Variants in MCM8 observed in about 807,000 individuals in gnomAD.
MCM8 encodes the protein DNA helicase MCM8.
MCM8 carries 85 observed loss-of-function variants against 98.9 expected under a neutral mutation model. The ratio of observed to expected loss-of-function variants is 0.86; its 90% CI spans 0.72 to 1.03. The LOEUF (loss-of-function observed/expected upper bound fraction) is 1.03, where lower values mean the gene tolerates loss of function less well. MCM8 is among the 50% of genes least tolerant of loss of function. The pLI is 0.00. For missense variants in MCM8, 951 were observed against 997.8 expected, an observed-to-expected ratio of 0.95 and a Z score of 0.63; for synonymous variants, 352 against 338.6, an observed-to-expected ratio of 1.04 and a Z score of -0.44.
chr20:5,979,589 C>T (rs996981066), intron 13 of MCM8, among the ~76,000 whole-genome samples: 1 of 152,154 alleles, frequency 6.6e-6, no homozygotes, highest in Non-Finnish European at 1.5e-5. Flanking sequence ...AAACACGGAG[C>T]CATCCTTGAC....
At chr20:5,956,854 T>C (rs2088996903) in intron 5 of MCM8, among the ~76,000 whole-genome samples, 1 of 152,018 alleles carries the variant, frequency 6.6e-6, no homozygotes, top group South Asian at 2.1e-4. Context: ...TGGGGACTAA[T>C]GTAAGGGCTT....
chr20:5,954,139 TAG>T (rs770288933), intron 3 of MCM8, among the ~76,000 whole-genome samples: 3 of 152,076 alleles, frequency 2.0e-5, no homozygotes, highest in African/African-American at 4.8e-5. Context: ...TGTAGAACTT[TAG>T]AGTGTTAAAA....
intron 13 of MCM8, among the ~76,000 whole-genome samples, chr20:5,981,997 TA>T (rs139342323): frequency 0.01 from 1,591 of 152,132 alleles, 24 homozygotes; most frequent in African/African-American, 0.034. Flanking sequence ...AGAGGGGAAG[TA>T]ACAGAGATAG....
At position 5,995,523 on chromosome 20, in the gene MCM8, A is replaced by G. The variant is rs1398412639; in HGVS notation, c.*1132A>G. 6.6e-6 allele frequency: 1 copy of G among 152,218 alleles called. No individual in the cohort carries two copies. Among genetic ancestry groups the G allele is most frequent in the Non-Finnish European group, 1.5e-5 (1 of 68,050 alleles). 9.4% of individuals were successfully genotyped at this position (152,218 alleles called of 1,614,324 possible). A position where few individuals can be genotyped will look rare whatever the true frequency, so the allele number is the denominator to read the frequency against. ...TAGGTAGAAGAATGCCCCCACCCGCACCGGAACAGCAACAAAAGGATTCTG... is the reference window on the plus strand; with the variant it reads ...TAGGTAGAAGAATGCCCCCACCCGCGCCGGAACAGCAACAAAAGGATTCTG... On this transcript the variant is annotated 3_prime_UTR_variant, in exon 19 of 19. Coordinates refer to ENST00000610722, the MANE Select transcript of MCM8 (RefSeq NM_032485.6).
intron 6 of MCM8, 85 bp downstream of exon 6, chr20:5,957,314 G>A (rs1362563859): frequency 3.2e-6 from 3 of 926,604 alleles, no homozygotes; most frequent in Admixed American, 4.8e-5. Context: ...TTATAAAAAT[G>A]AGGAAATCAG....
chr20:5,973,671 T>C (rs930565176), intron 12 of MCM8, among the ~76,000 whole-genome samples: 6 of 152,138 alleles, frequency 3.9e-5, no homozygotes, highest in Non-Finnish European at 7.3e-5. Context: ...ACCTTTTTTT[T>C]TGAGACGGAG....
chr20:5,966,896 C>G (rs967497676), intron 8 of MCM8, among the ~76,000 whole-genome samples: 27 of 152,160 alleles, frequency 1.8e-4, no homozygotes, highest in African/African-American at 6.5e-4. Flanking sequence ...ACGCATTCTT[C>G]CCCTACCCAC....
In MCM8 at chr20:5,967,571, C is replaced by T. The variant is rs2089302574; in HGVS notation, c.1011C>T (p.Val337=). The change falls in exon 9 of 19, where the codon GTC becomes GTT. Residue 337 remains valine, a synonymous_variant. Transcript: ENST00000610722. ...DTVTITGIVK[V]SNAEEGSRNK... is the part of the protein sequence containing the mutation. Reference sequence around the variant, plus strand: ...TGACTATTACTGGAATTGTCAAAGTCTCAAATGCGGAAGAAGGTAGGGTAC... The same window carrying T: ...TGACTATTACTGGAATTGTCAAAGTTTCAAATGCGGAAGAAGGTAGGGTAC... 1 of 1,611,940 alleles carries T rather than the reference C, an allele frequency of 6.2e-7. No individual in the cohort carries two copies. The highest frequency in any genetic ancestry group is 1.3e-5 in the African/African-American group (1 of 75,012).
At chr20:5,963,475 G>GC in intron 8 of MCM8, 116 bp downstream of exon 8, 6 of 537,768 alleles carry the variant, frequency 1.1e-5, no homozygotes, top group Admixed American at 5.7e-5. Flanking sequence ...GTGTATAATA[G>GC]TGTATAATAG....
rs2088928696 is a variant in MCM8, at chr20:5,954,749, G to A, written c.336+59G>A. 2.9e-6 allele frequency: 3 copies of A among 1,018,228 alleles called. No individual in the cohort carries two copies. The South Asian group carries it at 4.0e-5, about 14-fold the overall frequency. 63.1% of individuals were successfully genotyped at this position (1,018,228 alleles called of 1,614,324 possible). Reference sequence around the variant, plus strand: ...GTGCCATCTTACCAATGTATTCGAGGTACTTGTGATTATGATCGTAGGCAC... The same window carrying A: ...GTGCCATCTTACCAATGTATTCGAGATACTTGTGATTATGATCGTAGGCAC... On this transcript the variant is annotated intron_variant, in intron 4 of 18. Coordinates refer to ENST00000610722, the MANE Select transcript of MCM8 (RefSeq NM_032485.6).
In MCM8 at chr20:5,998,056, T is replaced by C. The variant is rs887835539; in HGVS notation, c.*3665T>C. ...CCTTTGATAAAGAAGGGAAATATCG[T>C]ACTTACATTAGCATGTTATAGTTGC... On this transcript the variant is annotated 3_prime_UTR_variant, in exon 19 of 19. Transcript: ENST00000610722. 2.0e-5 allele frequency: 3 copies of C among 152,244 alleles called. No individual in the cohort carries two copies. Among genetic ancestry groups the C allele is most frequent in the African/African-American group, 7.2e-5 (3 of 41,460 alleles). 9.4% of individuals were successfully genotyped at this position (152,244 alleles called of 1,614,324 possible). A position where few individuals can be genotyped will look rare whatever the true frequency, so the allele number is the denominator to read the frequency against.
intron 13 of MCM8, among the ~76,000 whole-genome samples, chr20:5,981,612 T>A (rs1310891601): frequency 1.3e-5 from 2 of 152,180 alleles, no homozygotes; most frequent in Non-Finnish European, 2.9e-5. Flanking sequence ...AGAATTCATA[T>A]ATACTGTGTC....
In MCM8 at chr20:5,998,285, A is replaced by C. The variant is rs957723882; in HGVS notation, c.*3894A>C. 1 of 152,124 alleles carries C rather than the reference A, an allele frequency of 6.6e-6. No individual in the cohort carries two copies. Among genetic ancestry groups the C allele is most frequent in the South Asian group, 2.1e-4 (1 of 4,816 alleles). The allele number at this position is 152,124 out of a possible 1,614,324, so 9.4% of individuals were successfully genotyped here. A position where few individuals can be genotyped will look rare whatever the true frequency, so the allele number is the denominator to read the frequency against. On this transcript the variant is annotated 3_prime_UTR_variant, in exon 19 of 19. Coordinates refer to ENST00000610722, the MANE Select transcript of MCM8 (RefSeq NM_032485.6). The stretch of plus-strand genomic sequence containing the variant: ...GGGGCTGGAAGGTGAGAAAATAACC[A>C]CATTTCCCAGACTCCCTTTGCAGGT...
chr20:5,985,086 C>T (rs570966602), intron 15 of MCM8, 86 bp downstream of exon 15: 1 of 1,052,576 alleles, frequency 9.5e-7, no homozygotes, highest in South Asian at 1.5e-5. Context: ...CAGTAGGATA[C>T]AAACTTTTTT....
intron 3 of MCM8, among the ~76,000 whole-genome samples, chr20:5,952,960 G>A (rs1167560973): frequency 6.6e-6 from 1 of 152,194 alleles, no homozygotes; most frequent in Non-Finnish European, 1.5e-5. Flanking sequence ...ACCCTACAAA[G>A]CTATGCTTGG....
rs1568607290 is a variant in MCM8, at chr20:5,997,964, G to C, written c.*3573G>C. 1.3e-5 allele frequency: 2 copies of C among 152,178 alleles called. No homozygotes were observed. The highest frequency in any genetic ancestry group is 1.3e-4 in the Admixed American group (2 of 15,280). The allele number at this position is 152,178 out of a possible 1,614,324, so 9.4% of individuals were successfully genotyped here. ...TCATTTTTAGGATAGAGATATCAAG[G>C]TGAGGGTATAACTGAACGAGAAGAG... On this transcript the variant is annotated 3_prime_UTR_variant, in exon 19 of 19. Transcript: ENST00000610722.
Position 5,997,977 on chromosome 20 carries a change from T to C in MCM8, c.*3586T>C, listed in dbSNP as rs1055789594. The C allele has an allele frequency of 6.6e-6, 1 of 152,196 alleles. No individual in the cohort carries two copies. The highest frequency in any genetic ancestry group is 2.4e-5 in the African/African-American group (1 of 41,444). 9.4% of individuals were successfully genotyped at this position (152,196 alleles called of 1,614,324 possible). A position where few individuals can be genotyped will look rare whatever the true frequency, so the allele number is the denominator to read the frequency against. ...AGAGATATCAAGGTGAGGGTATAAC[T>C]GAACGAGAAGAGGAATAAACACCAC... On this transcript the variant is annotated 3_prime_UTR_variant, in exon 19 of 19. Coordinates refer to ENST00000610722, the MANE Select transcript of MCM8 (RefSeq NM_032485.6).
intron 12 of MCM8, among the ~76,000 whole-genome samples, chr20:5,974,847 G>T (rs559722110): frequency 2.0e-5 from 3 of 152,236 alleles, no homozygotes. Flanking sequence ...ATCTATGTTT[G>T]GTTCCTTTTG....
chr20:5,952,271 A>G, intron 2 of MCM8, 108 bp downstream of exon 2: 3 of 1,562,306 alleles, frequency 1.9e-6, no homozygotes, highest in South Asian at 1.2e-5. Flanking sequence ...ATTTCATGCT[A>G]CTCCTTAGTA....
Sources: allele counts gnomAD v4.1 joint callset (sites outside exome capture counted in the v4.1 genomes callset), GRCh38; gene constraint gnomAD v4.1.1; transcripts MANE v1.5; gene names NCBI Gene and HGNC (gene_info 2026-07-23, HGNC 2026-07-21).